The following EPN1 variants were observed in gnomAD, a reference collection of about 807,000 sequenced individuals.
EPN1 encodes epsin 1, also known as epsin-1.
EPN1 carries 25 observed loss-of-function variants against 56.9 expected under a neutral mutation model. The ratio of observed to expected loss-of-function variants is 0.44; its 90% confidence interval spans 0.32 to 0.61. The LOEUF is 0.61. Ranked by LOEUF, EPN1 falls within the 20% of genes least tolerant of loss-of-function variation. The probability of loss-of-function intolerance (pLI) is 0.05; values close to 1 mark genes in which losing one functional copy is unlikely to be tolerated. For missense variants in EPN1, 785 were observed against 823.7 expected, an observed-to-expected ratio of 0.95 and a Z score of 0.58; for synonymous variants, 411 against 361.8, an observed-to-expected ratio of 1.14 and a Z score of -1.54.
rs36068544 is a variant in EPN1, at chr19:55,709,381, TAAA to T, written c.*14035_*14037del. ...TATTGCTTCTTATAATGTGCTTGCTTAAAAAAAAAAAACATGAGCTTTTCTCAG... is the reference window on the plus strand; with the variant it reads ...TATTGCTTCTTATAATGTGCTTGCTTAAAAAAAAACATGAGCTTTTCTCAG... On this transcript the variant is annotated 3_prime_UTR_variant, in exon 11 of 11. Transcript: ENST00000270460. The T allele has an allele frequency of 1.3e-5, 2 of 151,512 alleles. No individual in the cohort carries two copies. The highest frequency in any genetic ancestry group is 2.9e-5 in the Non-Finnish European group (2 of 69,160). The allele number at this position is 151,512 out of a possible 1,614,324, so 9.4% of individuals were successfully genotyped here.
At position 55,697,362 on chromosome 19, in the gene EPN1, C is replaced by G. The variant is rs192761161; in HGVS notation, c.*2006C>G. On this transcript the variant is annotated 3_prime_UTR_variant, in exon 11 of 11. Transcript: ENST00000270460. ...CCCACAGGGTCATAGCTCCTGGGCC[C>G]CTCACTTGTCAGACCCTCCATTCAC... is the stretch of plus-strand genomic sequence containing the variant. The G allele has an allele frequency of 8.1e-4, 123 of 152,316 alleles. No homozygotes were observed. The highest frequency in any genetic ancestry group is 2.8e-3 in the African/African-American group (118 of 41,566). 9.4% of individuals were successfully genotyped at this position (152,316 alleles called of 1,614,324 possible). A position where few individuals can be genotyped will look rare whatever the true frequency, so the allele number is the denominator to read the frequency against.
chr19:55,697,198 T>A lies in EPN1; in HGVS notation c.*1842T>A, dbSNP rs928041874. ...GCAAGCGTCCCTTACGCTTGGGCTG[T>A]CCGAGACCCTGCTGCTCTAGGCGGT... On this transcript the variant is annotated 3_prime_UTR_variant, in exon 11 of 11. Coordinates refer to ENST00000270460, the MANE Select transcript of EPN1 (RefSeq NM_001130072.2). 1 of 152,084 alleles carries A rather than the reference T, an allele frequency of 6.6e-6. No homozygotes were observed. Among genetic ancestry groups the A allele is most frequent in the Non-Finnish European group, 1.5e-5 (1 of 68,024 alleles). 9.4% of individuals were successfully genotyped at this position (152,084 alleles called of 1,614,324 possible). A position where few individuals can be genotyped will look rare whatever the true frequency, so the allele number is the denominator to read the frequency against.
rs1224813851 is a variant in EPN1 at position 55,702,532 on chromosome 19, G to A, written c.*7176G>A. 1.3e-5 allele frequency: 2 copies of A among 152,194 alleles called. No homozygotes were observed. Among genetic ancestry groups the A allele is most frequent in the African/African-American group, 2.4e-5 (1 of 41,444 alleles). 9.4% of individuals were successfully genotyped at this position (152,194 alleles called of 1,614,324 possible). Reference sequence around the variant, plus strand: ...CCAGGAACCTCCCAAGTCTGTGCCCGAGTTGCTTATCTGTGTTTTACAGCC... The same window carrying A: ...CCAGGAACCTCCCAAGTCTGTGCCCAAGTTGCTTATCTGTGTTTTACAGCC... On this transcript the variant is annotated 3_prime_UTR_variant, in exon 11 of 11. Coordinates refer to ENST00000270460, the MANE Select transcript of EPN1 (RefSeq NM_001130072.2).
rs1987483777 is a variant in EPN1 at position 55,707,515 on chromosome 19, A to C, written c.*12159A>C. The C allele has an allele frequency of 6.5e-6, 1 of 153,658 alleles. No individual in the cohort carries two copies. The highest frequency in any genetic ancestry group is 1.5e-5 in the Non-Finnish European group (1 of 68,222). The allele number at this position is 153,658 out of a possible 1,614,324, so 9.5% of individuals were successfully genotyped here. On this transcript the variant is annotated 3_prime_UTR_variant, in exon 11 of 11. Coordinates refer to ENST00000270460, the MANE Select transcript of EPN1 (RefSeq NM_001130072.2). ...TAACTTTCCAAGATGAAAAGCTAAGAGTGCTGATCTCATCACAGACATAGC... is the reference window on the plus strand; with the variant it reads ...TAACTTTCCAAGATGAAAAGCTAAGCGTGCTGATCTCATCACAGACATAGC...
chr19:55,695,399 C>A lies in EPN1; in HGVS notation c.*43C>A. The A allele has an allele frequency of 1.8e-6, 2 of 1,103,410 alleles. No individual in the cohort carries two copies. The highest frequency in any genetic ancestry group is 1.3e-6 in the Non-Finnish European group (1 of 770,160). 68.4% of individuals were successfully genotyped at this position (1,103,410 alleles called of 1,614,324 possible). ...CCTGGCTCCATCCGGCTGCCCCATT[C>A]CGGCTCCCTGGGAGATCAGTGTTGT... On this transcript the variant is annotated 3_prime_UTR_variant, in exon 11 of 11. Transcript: ENST00000270460. The surrounding 1 kb of genome is among the most constrained non-coding windows in gnomAD (Gnocchi z 4.4).
At position 55,703,908 on chromosome 19, in the gene EPN1, G is replaced by C. The variant is rs1987266216; in HGVS notation, c.*8552G>C. On this transcript the variant is annotated 3_prime_UTR_variant, in exon 11 of 11. Transcript: ENST00000270460. ...TGCTGGCCCAGCAGAGGGCGCCGGA[G>C]AGCGGACGGAGCCGCAGGCGGGGTT... 1 of 152,242 alleles carries C rather than the reference G, an allele frequency of 6.6e-6. No individual in the cohort carries two copies. 9.4% of individuals were successfully genotyped at this position (152,242 alleles called of 1,614,324 possible).
Position 55,692,815 on chromosome 19 carries a change from G to A in EPN1, c.1177+19G>A. On this transcript the variant is annotated intron_variant, in intron 8 of 10. Transcript: ENST00000270460. The stretch of plus-strand genomic sequence containing the variant: ...ACAACAGGTACTGGAATGGGGGTGG[G>A]AATGGAGCCCCGGGTGGGAGTGAGT... 3 of 1,589,334 alleles carry A rather than the reference G, an allele frequency of 1.9e-6. No homozygotes were observed. The highest frequency in any genetic ancestry group is 1.1e-5 in the South Asian group (1 of 88,814).
intron 2 of EPN1, among the ~76,000 whole-genome samples, chr19:55,679,473 G>A (rs761217401): frequency 1.3e-5 from 2 of 152,210 alleles, no homozygotes; most frequent in Non-Finnish European, 2.9e-5. Context: ...GCCGATTCAC[G>A]TCTGACTTGG....
Position 55,709,131 on chromosome 19 carries a change from TCC to T in EPN1, c.*13776_*13777del. Reference sequence around the variant, plus strand: ...TACATTCTGATGTCTACCTCTCCTCTCCTCTTTATTCTTTCCTAGAAATCACT... The same window carrying T: ...TACATTCTGATGTCTACCTCTCCTCTTCTTTATTCTTTCCTAGAAATCACT... On this transcript the variant is annotated 3_prime_UTR_variant, in exon 11 of 11. Transcript: ENST00000270460. The T allele has an allele frequency of 1.2e-6, 1 of 866,714 alleles. No individual in the cohort carries two copies. Among genetic ancestry groups the T allele is most frequent in the South Asian group, 2.1e-5 (1 of 47,702 alleles). 53.7% of individuals were successfully genotyped at this position (866,714 alleles called of 1,614,324 possible). A position where few individuals can be genotyped will look rare whatever the true frequency, so the allele number is the denominator to read the frequency against.
rs1374473700 is a variant in EPN1 at position 55,706,856 on chromosome 19, T to A, written c.*11500T>A. 3 of 151,510 alleles carry A rather than the reference T, an allele frequency of 2.0e-5. No homozygotes were observed. The highest frequency in any genetic ancestry group is 4.4e-5 in the Non-Finnish European group (3 of 67,916). The allele number at this position is 151,510 out of a possible 1,614,324, so 9.4% of individuals were successfully genotyped here. On this transcript the variant is annotated 3_prime_UTR_variant, in exon 11 of 11. Transcript: ENST00000270460. ...GAGTACCAGACCAGCCTGGGAAACATAGTGAGACCCCGTCTATACTAAAAA... is the reference window on the plus strand; with the variant it reads ...GAGTACCAGACCAGCCTGGGAAACAAAGTGAGACCCCGTCTATACTAAAAA...
At chr19:55,677,097 ATCCCTATC>A in intron 1 of EPN1, 1 of 1,541,084 alleles carries the variant, frequency 6.5e-7, no homozygotes, top group Admixed American at 2.0e-5. Flanking sequence ...TCTCTCCGTC[ATCCCTATC>A]TCCCCTGGGC....
intron 3 of EPN1, among the ~76,000 whole-genome samples, chr19:55,688,377 C>T (rs1219931590): frequency 6.6e-6 from 1 of 152,110 alleles, no homozygotes; most frequent in African/African-American, 2.4e-5. Flanking sequence ...CTAGCCCACT[C>T]CCTAACCCCG....
At chr19:55,677,838 A>G (rs537506253) in intron 1 of EPN1, 1 of 1,382,388 alleles carries the variant, frequency 7.2e-7, no homozygotes, top group African/African-American at 1.5e-5. Flanking sequence ...CCCTTGTTCC[A>G]GAGGTCTTTC....
rs938105429 is a variant in EPN1, at chr19:55,709,529, A to G, written c.*14173A>G. The G allele has an allele frequency of 1.3e-5, 2 of 152,460 alleles. No individual in the cohort carries two copies. The highest frequency in any genetic ancestry group is 2.9e-5 in the Non-Finnish European group (2 of 68,120). The allele number at this position is 152,460 out of a possible 1,614,324, so 9.4% of individuals were successfully genotyped here. On this transcript the variant is annotated 3_prime_UTR_variant, in exon 11 of 11. Coordinates refer to ENST00000270460, the MANE Select transcript of EPN1 (RefSeq NM_001130072.2). ...AATAATTAAAGCACATGCTACACCC[A>G]TAAATATGTCAAACGTTCTTGTCTG...
At chr19:55,692,126 T>C in intron 7 of EPN1, 69 bp downstream of exon 7, 2 of 1,353,612 alleles carry the variant, frequency 1.5e-6, no homozygotes, top group Non-Finnish European at 1.9e-6. Flanking sequence ...GACTGTGCCC[T>C]TGGACAGGGA....
Position 55,705,269 on chromosome 19 carries a change from C to G in EPN1, c.*9913C>G, listed in dbSNP as rs1987335828. 6.6e-6 allele frequency: 1 copy of G among 152,226 alleles called. No individual in the cohort carries two copies. Among genetic ancestry groups the G allele is most frequent in the Non-Finnish European group, 1.5e-5 (1 of 68,046 alleles). 9.4% of individuals were successfully genotyped at this position (152,226 alleles called of 1,614,324 possible). ...GGGGAGATATGTTTTGTAAACCTGT[C>G]CAGGCAACTTTTTTGCCTACGGAAA... On this transcript the variant is annotated 3_prime_UTR_variant, in exon 11 of 11. Transcript: ENST00000270460.
chr19:55,688,832 CTGGTCTGGGTCT>C (rs1244349271), intron 3 of EPN1, 26 bp from the exon 4 acceptor site: 2 of 1,562,298 alleles, frequency 1.3e-6, no homozygotes, highest in Non-Finnish European at 1.7e-6. Flanking sequence ...CTCTCGTTCC[CTGGTCTGGGTCT>C]CACGCGTTTC....
intron 3 of EPN1, among the ~76,000 whole-genome samples, chr19:55,688,194 C>T (rs377353105): frequency 6.6e-5 from 10 of 152,230 alleles, no homozygotes; most frequent in African/African-American, 2.4e-4. Flanking sequence ...GTCCACAGGC[C>T]TTGGGGGTGG....
chr19:55,709,193 A>G lies in EPN1; in HGVS notation c.*13837A>G. ...GTACTGAATTTGAAAAACAAGCATG[A>G]ATCTTTCCTATAGGATAGGAAGCCT... is the stretch of plus-strand genomic sequence containing the variant. On this transcript the variant is annotated 3_prime_UTR_variant, in exon 11 of 11. Coordinates refer to ENST00000270460, the MANE Select transcript of EPN1 (RefSeq NM_001130072.2). 2 of 530,294 alleles carry G rather than the reference A, an allele frequency of 3.8e-6. No individual in the cohort carries two copies. Among genetic ancestry groups the G allele is most frequent in the Non-Finnish European group, 6.3e-6 (2 of 319,918 alleles). The allele number at this position is 530,294 out of a possible 1,614,324, so 32.8% of individuals were successfully genotyped here.
Sources: allele counts gnomAD v4.1 joint callset (sites outside exome capture counted in the v4.1 genomes callset), GRCh38; gene constraint gnomAD v4.1.1; non-coding constraint Gnocchi (gnomAD v3.1); transcripts MANE v1.5; gene names NCBI Gene and HGNC (gene_info 2026-07-23, HGNC 2026-07-21).